The following DDX1 variants were observed in gnomAD, a reference collection of about 807,000 sequenced individuals.
The protein encoded by DDX1 is ATP-dependent RNA helicase DDX1.
In DDX1, 28 loss-of-function variants were observed where a neutral mutation model predicts 108.7. That is an observed-to-expected ratio of 0.26 (90% CI 0.19 to 0.35). The LOEUF is 0.35. DDX1 is among the 10% of genes least tolerant of loss of function. The pLI is 1.00. For missense variants in DDX1, 710 were observed against 884.5 expected, an observed-to-expected ratio of 0.80 and a Z score of 2.50; for synonymous variants, 295 against 288.9, an observed-to-expected ratio of 1.02 and a Z score of -0.21.
intron 14 of DDX1, among the ~76,000 whole-genome samples, chr2:15,615,655 A>C (rs1665882077): frequency 6.6e-6 from 1 of 152,174 alleles, no homozygotes; most frequent in Admixed American, 6.5e-5. Flanking sequence ...AGTTCTGTTT[A>C]TTCGAGGGGT....
chr2:15,613,942 T>G (rs971798761), intron 14 of DDX1, among the ~76,000 whole-genome samples: 2 of 151,418 alleles, frequency 1.3e-5, no homozygotes, highest in African/African-American at 2.4e-5. Flanking sequence ...GTTCAAGCAG[T>G]TCTCCTGCCT....
intron 1 of DDX1, 109 bp downstream of exon 1, chr2:15,592,058 CAG>C: frequency 9.5e-7 from 1 of 1,048,730 alleles, no homozygotes; most frequent in South Asian, 2.5e-5. Context: ...GTCAGGGAGA[CAG>C]AAGGGCGCTG....
chr2:15,603,321 G>T (rs756240241), intron 8 of DDX1, 46 bp downstream of exon 8: 1 of 1,280,558 alleles, frequency 7.8e-7, no homozygotes, highest in Non-Finnish European at 1.1e-6. Flanking sequence ...ACATTTGGGG[G>T]ATAACATTTT....
At chr2:15,600,470 T>A (rs779999759) in intron 6 of DDX1, among the ~76,000 whole-genome samples, 2 of 152,220 alleles carry the variant, frequency 1.3e-5, no homozygotes, top group Non-Finnish European at 2.9e-5. Context: ...TCCTTCACAC[T>A]ATACCCTCCA....
intron 24 of DDX1, 67 bp downstream of exon 24, chr2:15,629,764 A>G (rs1006063615): frequency 1.1e-5 from 14 of 1,273,920 alleles, no homozygotes; most frequent in Admixed American, 2.7e-5. Context: ...TTTATCTTCA[A>G]AAATTATATC....
intron 13 of DDX1, among the ~76,000 whole-genome samples, chr2:15,611,891 C>T (rs537332653): frequency 0.012 from 840 of 67,380 alleles, 1 homozygote; most frequent in African/African-American, 0.045. Flanking sequence ...ACCTCCCGGA[C>T]GGGGCGGCTG....
intron 1 of DDX1, among the ~76,000 whole-genome samples, chr2:15,594,882 G>T (rs866099285): frequency 1.3e-5 from 2 of 152,144 alleles, no homozygotes; most frequent in African/African-American, 2.4e-5. Context: ...GCCCTGCAAG[G>T]TAGGCAATAT....
chr2:15,599,991 A>T (rs957429856), intron 6 of DDX1, among the ~76,000 whole-genome samples: 2 of 151,812 alleles, frequency 1.3e-5, no homozygotes, highest in Non-Finnish European at 2.9e-5. Flanking sequence ...TGCTGACACG[A>T]TCCATCTGGA....
Position 15,620,401 on chromosome 2 carries a change from G to A in DDX1, c.1395+5G>A. ...CTTGGAAAGAGCCACATTAGAGTAA[G>A]TGGTTTATAATATTAACATTTATGT... On this transcript the variant is annotated splice_donor_5th_base_variant and intron_variant, in intron 17 of 25. Transcript: ENST00000233084. 6.2e-7 allele frequency: 1 copy of A among 1,605,084 alleles called. No homozygotes were observed. Among genetic ancestry groups the A allele is most frequent in the Non-Finnish European group, 8.5e-7 (1 of 1,176,748 alleles).
intron 13 of DDX1, 29 bp from the exon 14 acceptor site, chr2:15,613,195 T>A (rs1352242782): frequency 2.4e-5 from 36 of 1,488,724 alleles, no homozygotes; most frequent in Middle Eastern, 2.0e-4. Context: ...TTTTTTTTTT[T>A]TATATTATCA....
chr2:15,630,706 G>C lies in DDX1; in HGVS notation c.2093-70G>C, dbSNP rs949265428. 3.3e-6 allele frequency: 5 copies of C among 1,528,596 alleles called. No homozygotes were observed. The African/African-American group carries it at 4.1e-5, about 13-fold the overall frequency. 94.7% of individuals were successfully genotyped at this position (1,528,596 alleles called of 1,614,324 possible). ...GCAAAGTTTAAAGTGATATAATTGA[G>C]CCAAAGTATTGCTGACAAGTTATTT... On this transcript the variant is annotated intron_variant, in intron 25 of 25. Coordinates refer to ENST00000233084, the MANE Select transcript of DDX1 (RefSeq NM_004939.3).
chr2:15,598,718 C>T (rs1394938723), intron 5 of DDX1, among the ~76,000 whole-genome samples: 1 of 152,132 alleles, frequency 6.6e-6, no homozygotes, highest in Non-Finnish European at 1.5e-5. Context: ...TATCTTTTGA[C>T]CAGAAATAAT....
At chr2:15,626,971 G>A (rs1205979857) in intron 19 of DDX1, 83 bp from the exon 20 acceptor site, 3 of 792,634 alleles carry the variant, frequency 3.8e-6, no homozygotes, top group African/African-American at 1.7e-5. Context: ...TGGCACTATT[G>A]TAGTCTGAAT....
intron 18 of DDX1, 128 bp from the exon 19 acceptor site, chr2:15,623,307 AT>A: frequency 1.3e-6 from 1 of 763,758 alleles, no homozygotes; most frequent in South Asian, 1.9e-5. Flanking sequence ...TCTATATATA[AT>A]ACTTTTATTA....
intron 18 of DDX1, 41 bp downstream of exon 18, chr2:15,621,157 T>C: frequency 1.4e-6 from 2 of 1,392,334 alleles, no homozygotes; most frequent in Middle Eastern, 1.8e-4. Context: ...ATTTTGAAAA[T>C]GAAATTTATA....
At chr2:15,609,226 G>A (rs1269426801) in intron 13 of DDX1, among the ~76,000 whole-genome samples, 1 of 152,202 alleles carries the variant, frequency 6.6e-6, no homozygotes, top group African/African-American at 2.4e-5. Flanking sequence ...CTGTGATTAT[G>A]TATAAAAATG....
At position 15,628,461 on chromosome 2, in the gene DDX1, T is replaced by G. The variant is rs769829948; in HGVS notation, c.1703T>G (p.Phe568Cys). The stretch of plus-strand genomic sequence containing the variant: ...TCTCTTTAGAAAGGAGATGTAAGAT[T>G]CTTGATTTGCACAGATGTAGCTGCT... ...LERFKKGDVR[F>C]LICTDVAARG... Residue 568 changes from phenylalanine to cysteine, a missense_variant, in exon 21 of 26, where the codon TTC becomes TGC. Transcript: ENST00000233084. The G allele has an allele frequency of 6.2e-6, 10 of 1,613,086 alleles. No individual in the cohort carries two copies. Among genetic ancestry groups the G allele is most frequent in the Non-Finnish European group, 8.5e-6 (10 of 1,179,246 alleles).
At chr2:15,617,399 A>G in intron 15 of DDX1, 57 bp downstream of exon 15, 1 of 980,162 alleles carries the variant, frequency 1.0e-6, no homozygotes. Flanking sequence ...TTTGAGATAA[A>G]ATATATAAAA....
intron 18 of DDX1, among the ~76,000 whole-genome samples, chr2:15,621,716 G>A (rs1413057229): frequency 5.3e-5 from 8 of 151,244 alleles, no homozygotes; most frequent in South Asian, 4.2e-4. Flanking sequence ...GCACTGGTGC[G>A]ATTTTGGCTC....
Sources: allele counts gnomAD v4.1 joint callset (sites outside exome capture counted in the v4.1 genomes callset), GRCh38; gene constraint gnomAD v4.1.1; transcripts MANE v1.5; gene names NCBI Gene and HGNC (gene_info 2026-07-23, HGNC 2026-07-21).